SQSTM1: variants seen among roughly 807,000 people sequenced by gnomAD.
SQSTM1 encodes the protein sequestosome 1.
Under a neutral mutation model 45.1 loss-of-function variants are expected in SQSTM1, and 36 were observed. The observed-to-expected ratio is 0.80, with a 90% CI of 0.61 to 1.05. The LOEUF (loss-of-function observed/expected upper bound fraction) is 1.05, where lower values mean the gene tolerates loss of function less well. SQSTM1 is among the 50% of genes least tolerant of loss of function. The pLI is 0.00. For missense variants in SQSTM1, 617 were observed against 607.1 expected, an observed-to-expected ratio of 1.02 and a Z score of -0.17; for synonymous variants, 290 against 244.3, an observed-to-expected ratio of 1.19 and a Z score of -1.74.
intron 5 of SQSTM1, among the ~76,000 whole-genome samples, chr5:179,831,812 T>A (rs1263541692): frequency 6.8e-6 from 1 of 147,414 alleles, no homozygotes; most frequent in African/African-American, 2.5e-5. Context: ...TGAGATGGAG[T>A]CTTGCTCTGT....
upstream of SQSTM1, among the ~76,000 whole-genome samples, chr5:179,815,138 C>T (rs1042716527): frequency 2.0e-5 from 3 of 150,504 alleles, no homozygotes; most frequent in Admixed American, 2.0e-4. Flanking sequence ...TAGAGCAGGT[C>T]GGGTGTGGTG....
Position 179,837,285 on chromosome 5 carries a change from G to A in SQSTM1, c.*692G>A, listed in dbSNP as rs900465425. ...TTTGCATAGAGAGAAATGATTGACA[G>A]TAAGTTTATTGTTAATGGTTCTTAC... On this transcript the variant is annotated 3_prime_UTR_variant, in exon 8 of 8. Transcript: ENST00000389805. The A allele has an allele frequency of 6.2e-7, 1 of 1,607,376 alleles. No individual in the cohort carries two copies. Among genetic ancestry groups the A allele is most frequent in the Non-Finnish European group, 8.5e-7 (1 of 1,178,136 alleles).
rs1389671336 is a variant in SQSTM1 at position 179,836,463 on chromosome 5, T to G, written c.1193T>G (p.Leu398Arg). Residue 398 changes from leucine (L) to arginine (R), a missense_variant, in exon 8 of 8, where the codon CTC becomes CGC. Coordinates refer to ENST00000389805, the MANE Select transcript of SQSTM1 (RefSeq NM_003900.5). ...GCTGACCCGCGGCTGATTGAGTCCC[T>G]CTCCCAGATGCTGTCCATGGGCTTC... ...PEADPRLIES[L>R]SQMLSMGFSD... 2.5e-6 allele frequency: 4 copies of G among 1,614,148 alleles called. No homozygotes were observed. The Admixed American group carries it at 5.0e-5, about 20-fold the overall frequency.
At chr5:179,832,262 C>T (rs914694622) in intron 5 of SQSTM1, among the ~76,000 whole-genome samples, 5 of 152,216 alleles carry the variant, frequency 3.3e-5, no homozygotes, top group Admixed American at 3.3e-4. Context: ...GTGTGCACCA[C>T]AGCCTTTGGC....
intron 1 of SQSTM1, among the ~76,000 whole-genome samples, chr5:179,810,176 T>A (rs1757354163): frequency 6.6e-6 from 1 of 152,214 alleles, no homozygotes; most frequent in African/African-American, 2.4e-5. Flanking sequence ...TTTGCAGGTT[T>A]GTTACATATG....
chr5:179,827,475 G>A (rs1227819626), intron 5 of SQSTM1, among the ~76,000 whole-genome samples: 8 of 152,054 alleles, frequency 5.3e-5, no homozygotes, highest in African/African-American at 1.9e-4. Context: ...TAGTAGAGAC[G>A]GGGTTTCACC....
chr5:179,834,114 C>T (rs1758380185), intron 7 of SQSTM1, among the ~76,000 whole-genome samples: 1 of 148,024 alleles, frequency 6.8e-6, no homozygotes, highest in Admixed American at 6.8e-5. Flanking sequence ...TGTGTCCCTA[C>T]TACTCACACT....
Position 179,833,098 on chromosome 5 carries a change from A to G in SQSTM1, c.821A>G (p.Glu274Gly), listed in dbSNP as rs747803543. Residue 274 changes from glutamate to glycine, a missense_variant, in exon 6 of 8, where the codon GAG becomes GGG. Transcript: ENST00000389805. ...KRSRLTPVSP[E>G]SSSTEEKSSS... ...AGCCGCCTGACCCCCGTCTCTCCAG[A>G]GAGTTCCAGCACAGAGGAGAAGAGC... 3 of 1,614,208 alleles carry G rather than the reference A, an allele frequency of 1.9e-6. No individual in the cohort carries two copies. The highest frequency in any genetic ancestry group is 2.5e-6 in the Non-Finnish European group (3 of 1,180,036).
upstream of SQSTM1, among the ~76,000 whole-genome samples, chr5:179,816,334 C>G (rs1219947642): frequency 6.6e-6 from 1 of 152,128 alleles, no homozygotes; most frequent in Admixed American, 6.5e-5. Context: ...ATTTTTAGTA[C>G]AGATGGGGTT....
intron 5 of SQSTM1, among the ~76,000 whole-genome samples, chr5:179,826,603 T>TTG (rs902324757): frequency 6.6e-6 from 1 of 151,330 alleles, no homozygotes; most frequent in Non-Finnish European, 1.5e-5. Flanking sequence ...AGTCTGTTTT[T>TTG]TTTTTTTTTT....
upstream of SQSTM1, among the ~76,000 whole-genome samples, chr5:179,819,898 G>C (rs1761997159): frequency 6.6e-6 from 1 of 152,176 alleles, no homozygotes. Flanking sequence ...CCTCCCTCTG[G>C]GTTTCCTCCC....
chr5:179,818,300 G>C (rs1757644664), upstream of SQSTM1, among the ~76,000 whole-genome samples: 1 of 152,144 alleles, frequency 6.6e-6, no homozygotes, highest in Admixed American at 6.5e-5. Context: ...CACAGACCAG[G>C]ACCTCTGTAG....
At position 179,822,996 on chromosome 5, in the gene SQSTM1, G is replaced by A. The variant is rs1425863340; in HGVS notation, c.244G>A (p.Glu82Lys). The A allele has an allele frequency of 6.2e-7, 1 of 1,614,120 alleles. No homozygotes were observed. The highest frequency in any genetic ancestry group is 8.5e-7 in the Non-Finnish European group (1 of 1,180,006). The stretch of plus-strand genomic sequence containing the variant: ...CTTGGTTGCCTTTTCCAGTGACGAG[G>A]AATTGACAATGGCCATGTCCTACGT... ...GDLVAFSSDE[E>K]LTMAMSYVKD... Residue 82 changes from glutamate to lysine, a missense_variant, in exon 2 of 8, where the codon GAA (glutamate) becomes AAA (lysine). Transcript: ENST00000389805.
intron 6 of SQSTM1, 102 bp from the exon 7 acceptor site, chr5:179,833,485 T>G: frequency 7.9e-7 from 1 of 1,260,676 alleles, no homozygotes; most frequent in Non-Finnish European, 1.1e-6. Flanking sequence ...TAACTGCACG[T>G]GTGCATGCGT....
At chr5:179,836,302 T>G (rs960991672) in intron 7 of SQSTM1, 134 bp from the exon 8 acceptor site, 9 of 1,196,406 alleles carry the variant, frequency 7.5e-6, no homozygotes, top group African/African-American at 1.5e-5. Flanking sequence ...CTGTGGCCTG[T>G]GAGGACGAGA....
chr5:179,817,333 T>C (rs1757614317), upstream of SQSTM1, among the ~76,000 whole-genome samples: 1 of 152,126 alleles, frequency 6.6e-6, no homozygotes, highest in Non-Finnish European at 1.5e-5. Context: ...GCGTTCGTCC[T>C]CCATCCCTCC....
At chr5:179,812,479 G>A (rs1387765671) in intron 2 of SQSTM1, 2 of 152,258 alleles carry the variant, frequency 1.3e-5, no homozygotes, top group Non-Finnish European at 2.9e-5. Flanking sequence ...ACCTCCGCAG[G>A]CGCTGGCATC....
At chr5:179,824,152 T>C in intron 3 of SQSTM1, 30 bp from the exon 4 acceptor site, 1 of 1,613,578 alleles carries the variant, frequency 6.2e-7, no homozygotes, top group Non-Finnish European at 8.5e-7. Context: ...ACCCGCTCAC[T>C]GCCTGCCGCT....
chr5:179,823,130 C>T lies in SQSTM1; in HGVS notation c.301+77C>T, dbSNP rs7711505. On this transcript the variant is annotated intron_variant, in intron 2 of 7. Coordinates refer to ENST00000389805, the MANE Select transcript of SQSTM1 (RefSeq NM_003900.5). ...TCCCTGCTGAGTAAAAAACAGGGCT[C>T]GATGTTCCACCAATGAAGGGGTCAG... 63,724 of 1,350,108 alleles carry T rather than the reference C, an allele frequency of 0.047. 1,746 individuals carry two copies. Among genetic ancestry groups the T allele is most frequent in the Middle Eastern group, 0.1 (457 of 4,478 alleles). 83.6% of individuals were successfully genotyped at this position (1,350,108 alleles called of 1,614,324 possible). A position where few individuals can be genotyped will look rare whatever the true frequency, so the allele number is the denominator to read the frequency against.
Sources: gnomAD v4.1 joint callset for allele counts (sites outside exome capture counted in the v4.1 genomes callset) on GRCh38, gnomAD v4.1.1 for gene constraint, MANE v1.5 for transcripts, NCBI Gene and HGNC (gene_info 2026-07-23, HGNC 2026-07-21) for gene names.